ARHGAP20: variants seen among roughly 807,000 people sequenced by gnomAD.
ARHGAP20 encodes Rho GTPase activating protein 20.
A neutral mutation model predicts 73.7 loss-of-function variants in ARHGAP20; 34 were observed. That is an observed-to-expected ratio of 0.46 (90% CI 0.35 to 0.61). The LOEUF is 0.61. ARHGAP20 is among the 20% of genes least tolerant of loss of function. The probability of loss-of-function intolerance (pLI) is 0.00; values close to 1 mark genes in which losing one functional copy is unlikely to be tolerated. For synonymous variants in ARHGAP20, 523 were observed against 518.2 expected, an observed-to-expected ratio of 1.01 and a Z score of -0.13; for missense variants, 1,314 against 1,420.9, an observed-to-expected ratio of 0.92 and a Z score of 1.21.
intron 4 of ARHGAP20, among the ~76,000 whole-genome samples, chr11:110,620,453 AT>A (rs1948605230): frequency 6.6e-6 from 1 of 152,174 alleles, no homozygotes; most frequent in Non-Finnish European, 1.5e-5. Context: ...GTCTGGCTAC[AT>A]TTACAAAAAA....
chr11:110,668,935 C>A (rs778008225), intron 2 of ARHGAP20, among the ~76,000 whole-genome samples: 54 of 152,158 alleles, frequency 3.5e-4, no homozygotes, highest in Non-Finnish European at 6.0e-4. Context: ...TAAAAATGAA[C>A]ACTGACCCTT....
chr11:110,588,473 A>G (rs1947731659), intron 11 of ARHGAP20, among the ~76,000 whole-genome samples: 1 of 152,246 alleles, frequency 6.6e-6, no homozygotes, highest in Non-Finnish European at 1.5e-5. Context: ...AACAGATTCA[A>G]AAACAAGAAA....
Position 110,712,308 on chromosome 11 carries a change from G to A in ARHGAP20, c.-77C>T, listed in dbSNP as rs547810908. ...TCCGCGGGCTGCCGGCCGGAGGGGC[G>A]AGGACGCGCGGGCGGAGGCGCGGCT... On this transcript the variant is annotated 5_prime_UTR_variant, in exon 1 of 15. Coordinates refer to ENST00000683387, the MANE Select transcript of ARHGAP20 (RefSeq NM_001384657.1). 3.6e-4 allele frequency: 430 copies of A among 1,184,624 alleles called. 3 individuals carry two copies. The African/African-American group carries it at 6.2e-3, about 17-fold the overall frequency. 73.4% of individuals were successfully genotyped at this position (1,184,624 alleles called of 1,614,324 possible).
rs1211236164 is a variant in ARHGAP20 at position 110,712,109 on chromosome 11, C to T, written c.105+18G>A. 1.5e-6 allele frequency: 2 copies of T among 1,308,614 alleles called. No homozygotes were observed. Among genetic ancestry groups the T allele is most frequent in the Admixed American group, 3.6e-5 (1 of 27,824 alleles). 81.1% of individuals were successfully genotyped at this position (1,308,614 alleles called of 1,614,324 possible). ...GCTGCGGCGGCGGAGGGCACGGGCC[C>T]CCGCTCAGCGTCCTCACCTTCTTGG... On this transcript the variant is annotated intron_variant, in intron 1 of 14. Coordinates refer to ENST00000683387, the MANE Select transcript of ARHGAP20 (RefSeq NM_001384657.1).
chr11:110,596,210 A>T (rs1172116153), intron 9 of ARHGAP20, among the ~76,000 whole-genome samples: 8 of 152,020 alleles, frequency 5.3e-5, no homozygotes, highest in Non-Finnish European at 1.0e-4. Flanking sequence ...AACCTAGGCA[A>T]TACCATTCAG....
At chr11:110,595,047 T>C (rs1591303040) in intron 9 of ARHGAP20, among the ~76,000 whole-genome samples, 1 of 151,438 alleles carries the variant, frequency 6.6e-6, no homozygotes, top group South Asian at 2.1e-4. Context: ...AAAAACCACA[T>C]GATTATCTCA....
intron 3 of ARHGAP20, among the ~76,000 whole-genome samples, chr11:110,627,189 A>C (rs908930722): frequency 3.3e-5 from 5 of 152,150 alleles, no homozygotes; most frequent in African/African-American, 1.2e-4. Context: ...CTCAGGTTCA[A>C]GTGATTCTCG....
chr11:110,588,466 A>C (rs549375699), intron 11 of ARHGAP20, among the ~76,000 whole-genome samples: 1 of 152,244 alleles, frequency 6.6e-6, no homozygotes, highest in Non-Finnish European at 1.5e-5. Flanking sequence ...ACTTCAAAAC[A>C]GATTCAAAAA....
At chr11:110,633,319 C>T (rs1044214419) in intron 2 of ARHGAP20, among the ~76,000 whole-genome samples, 2 of 152,124 alleles carry the variant, frequency 1.3e-5, no homozygotes, top group Non-Finnish European at 2.9e-5. Flanking sequence ...TTGGTACCTT[C>T]TTAAAATCAC....
At chr11:110,589,433 G>A (rs1286771616) in intron 11 of ARHGAP20, 3 of 985,330 alleles carry the variant, frequency 3.0e-6, no homozygotes, top group African/African-American at 3.5e-5. Context: ...TGGGCACTCA[G>A]CTGGAGTAGG....
rs1035448350 is a variant in ARHGAP20 at position 110,680,159 on chromosome 11, T to A, written c.188+10388A>T. On this transcript the variant is annotated intron_variant, in intron 2 of 14. Coordinates refer to ENST00000683387, the MANE Select transcript of ARHGAP20 (RefSeq NM_001384657.1). ...ATGCCAAATACATTATAAAATTAACTCATTTAATCCCCTATGAAGTCATCC... is the reference window on the plus strand; with the variant it reads ...ATGCCAAATACATTATAAAATTAACACATTTAATCCCCTATGAAGTCATCC... Among the ~76,000 whole-genome samples the A allele has an allele frequency of 5.9e-5, 9 of 152,174 alleles. No homozygotes were observed. In the East Asian group the frequency reaches 1.7e-3, roughly 29 times the overall value.
chr11:110,692,760 T>C (rs1477144241), intron 1 of ARHGAP20, among the ~76,000 whole-genome samples: 1 of 152,040 alleles, frequency 6.6e-6, no homozygotes, highest in Non-Finnish European at 1.5e-5. Context: ...AGTAATAATC[T>C]CAAAATTAAT....
At chr11:110,641,612 T>C (rs1392567281) in intron 2 of ARHGAP20, among the ~76,000 whole-genome samples, 1 of 151,968 alleles carries the variant, frequency 6.6e-6, no homozygotes, top group South Asian at 2.1e-4. Flanking sequence ...TTTTGTTTTC[T>C]TCCCCCCCAA....
chr11:110,600,330 G>A (rs1167359782), intron 9 of ARHGAP20, among the ~76,000 whole-genome samples: 1 of 152,238 alleles, frequency 6.6e-6, no homozygotes, highest in East Asian at 1.9e-4. Context: ...CCAAGCTTCT[G>A]GGCACCACTG....
chr11:110,647,159 T>TTGTG (rs142318441), intron 2 of ARHGAP20, among the ~76,000 whole-genome samples: 3 of 149,888 alleles, frequency 2.0e-5, no homozygotes, highest in African/African-American at 7.3e-5. Context: ...TAGATTGATT[T>TTGTG]TGTGTGTGTG....
At chr11:110,698,094 T>C (rs777378625) in intron 1 of ARHGAP20, among the ~76,000 whole-genome samples, 3 of 151,660 alleles carry the variant, frequency 2.0e-5, no homozygotes, top group Non-Finnish European at 3.0e-5. Flanking sequence ...TACGATTTCT[T>C]TCATCAGCCT....
chr11:110,624,829 T>G (rs1509319), intron 3 of ARHGAP20, among the ~76,000 whole-genome samples: 14,691 of 152,134 alleles, frequency 0.097, 828 homozygotes, highest in African/African-American at 0.15. Flanking sequence ...TGCCTGCATT[T>G]ATGGCAAGAA....
intron 2 of ARHGAP20, among the ~76,000 whole-genome samples, chr11:110,679,068 C>T (rs2135088607): frequency 6.6e-6 from 1 of 152,246 alleles, no homozygotes; most frequent in Middle Eastern, 3.4e-3. Flanking sequence ...AAGATTTCAA[C>T]CAGGGCTGGC....
At chr11:110,639,918 C>A (rs1163617929) in intron 2 of ARHGAP20, among the ~76,000 whole-genome samples, 1 of 151,924 alleles carries the variant, frequency 6.6e-6, no homozygotes, top group Non-Finnish European at 1.5e-5. Flanking sequence ...TTTTGAATAT[C>A]TGTTTCCAAT....
Sources: allele counts gnomAD v4.1 joint callset (sites outside exome capture counted in the v4.1 genomes callset), GRCh38; gene constraint gnomAD v4.1.1; transcripts MANE v1.5; gene names NCBI Gene and HGNC (gene_info 2026-07-23, HGNC 2026-07-21).